The following PTPRA variants were observed in gnomAD, a reference collection of about 807,000 sequenced individuals.
The protein encoded by PTPRA is receptor-type tyrosine-protein phosphatase alpha.
In PTPRA, 25 loss-of-function variants were observed where a neutral mutation model predicts 104.8. The observed-to-expected ratio is 0.24, with a 90% CI of 0.17 to 0.33. The LOEUF (loss-of-function observed/expected upper bound fraction) is 0.33. Ranked by LOEUF, PTPRA falls within the 10% of genes least tolerant of loss-of-function variation. The pLI, the probability that PTPRA is intolerant of heterozygous loss-of-function variation, is 1.00. For missense variants in PTPRA, 765 were observed against 1,015.3 expected (o/e 0.75, Z 3.35); for synonymous variants, 323 against 368.9 (o/e 0.88, Z 1.43).
At chr20:2,936,692 C>T (rs1044790748) in intron 2 of PTPRA, among the ~76,000 whole-genome samples, 12 of 152,000 alleles carry the variant, frequency 7.9e-5, no homozygotes, top group Non-Finnish European at 1.5e-4. Flanking sequence ...AGGCTGGTCT[C>T]GAAGTCTTGG....
chr20:2,893,339 A>G (rs1482761921), intron 1 of PTPRA, among the ~76,000 whole-genome samples: 4 of 152,246 alleles, frequency 2.6e-5, no homozygotes, highest in South Asian at 2.1e-4. Flanking sequence ...TGACCTGAGT[A>G]TAAAGTATAA....
intron 2 of PTPRA, among the ~76,000 whole-genome samples, chr20:2,935,469 G>C (rs991966222): frequency 2.6e-5 from 4 of 152,138 alleles, no homozygotes; most frequent in Non-Finnish European, 5.9e-5. Context: ...TAGTAGTACA[G>C]ATATCTCTTC....
At chr20:3,016,125 G>A (rs2064435443) in intron 12 of PTPRA, among the ~76,000 whole-genome samples, 1 of 152,192 alleles carries the variant, frequency 6.6e-6, no homozygotes, top group African/African-American at 2.4e-5. Flanking sequence ...AAAAAGACTG[G>A]AAAAGGCTGT....
At chr20:2,977,940 G>T (rs142422273) in intron 6 of PTPRA, among the ~76,000 whole-genome samples, 41 of 152,230 alleles carry the variant, frequency 2.7e-4, no homozygotes, top group African/African-American at 8.7e-4. Context: ...TATCTGGGGA[G>T]TGGGAAGGAG....
chr20:2,962,237 G>C (rs1392279886), intron 3 of PTPRA, among the ~76,000 whole-genome samples: 1 of 151,868 alleles, frequency 6.6e-6, no homozygotes, highest in Non-Finnish European at 1.5e-5. Flanking sequence ...ATTTATGATG[G>C]GCTTCTTCTT....
rs574694877 is a variant in PTPRA, at chr20:3,032,511, T to G, written c.1921-3074T>G. Among the ~76,000 whole-genome samples the G allele has an allele frequency of 6.1e-4, 93 of 152,288 alleles. No homozygotes were observed. In the South Asian group the frequency reaches 0.013, roughly 21 times the overall value. Reference sequence around the variant, plus strand: ...GGCCGGGCGCGGTGGCTCACGCCTGTAATCCCAGCACTTTGGGAGGCCAAG... The same window carrying G: ...GGCCGGGCGCGGTGGCTCACGCCTGGAATCCCAGCACTTTGGGAGGCCAAG... On this transcript the variant is annotated intron_variant, in intron 20 of 23. Coordinates refer to ENST00000399903, the MANE Select transcript of PTPRA (RefSeq NM_001385305.1).
In PTPRA at chr20:3,022,876, C is replaced by T; in HGVS notation, c.1464+52C>T. The T allele has an allele frequency of 1.9e-6, 3 of 1,610,920 alleles. No homozygotes were observed. The highest frequency in any genetic ancestry group is 1.7e-4 in the Middle Eastern group (1 of 6,058). On this transcript the variant is annotated intron_variant, in intron 16 of 23. Coordinates refer to ENST00000399903, the MANE Select transcript of PTPRA (RefSeq NM_001385305.1). The surrounding 1 kb of genome is among the most constrained non-coding windows in gnomAD (Gnocchi z 4.6). ...GTGGGGGGTTCCAGGACTAAAACATCTGCCCACATTGAGGATTCACTCAGT... is the reference window on the plus strand; with the variant it reads ...GTGGGGGGTTCCAGGACTAAAACATTTGCCCACATTGAGGATTCACTCAGT...
chr20:2,877,568 T>C (rs1375037470), intron 1 of PTPRA, among the ~76,000 whole-genome samples: 3 of 152,118 alleles, frequency 2.0e-5, no homozygotes, highest in African/African-American at 7.2e-5. Flanking sequence ...GAAGAAATGG[T>C]TTTTTAGTGA....
At chr20:2,981,653 G>A (rs1381911463) in intron 6 of PTPRA, among the ~76,000 whole-genome samples, 1 of 152,170 alleles carries the variant, frequency 6.6e-6, no homozygotes, top group Non-Finnish European at 1.5e-5. Flanking sequence ...GTAGAGCACT[G>A]TTTTTCCAGC....
At chr20:2,901,041 G>T (rs1042005998) in intron 1 of PTPRA, among the ~76,000 whole-genome samples, 2 of 151,628 alleles carry the variant, frequency 1.3e-5, no homozygotes, top group Non-Finnish European at 2.9e-5. Context: ...GCGCGATCTC[G>T]GCTCACTGTG....
At chr20:2,876,797 C>G in intron 1 of PTPRA, among the ~76,000 whole-genome samples, 1 of 152,176 alleles carries the variant, frequency 6.6e-6, no homozygotes, top group Non-Finnish European at 1.5e-5. Flanking sequence ...TATCCTCTCC[C>G]CCAAAGTGTA....
chr20:2,999,560 G>A (rs763417739), intron 9 of PTPRA, among the ~76,000 whole-genome samples: 6 of 152,220 alleles, frequency 3.9e-5, no homozygotes, highest in Non-Finnish European at 8.8e-5. Context: ...CCATTTGTAA[G>A]TGGAAACCTA....
rs71195806 is a variant in PTPRA at position 2,958,658 on chromosome 20, T to TAAAA, written c.-6-5590_-6-5587dup. Among the ~76,000 whole-genome samples the TAAAA allele has an allele frequency of 1.5e-3, 93 of 62,264 alleles. 1 individual carries two copies. The highest frequency in any genetic ancestry group is 3.7e-3 in the African/African-American group (69 of 18,758). 40.8% of individuals were successfully genotyped at this position (62,264 alleles called of 152,430 possible). A position where few individuals can be genotyped will look rare whatever the true frequency, so the allele number is the denominator to read the frequency against. On this transcript the variant is annotated intron_variant, in intron 3 of 23. Coordinates refer to ENST00000399903, the MANE Select transcript of PTPRA (RefSeq NM_001385305.1). Reference sequence around the variant, plus strand: ...CAACATGGTGAAACCCCATCTCTACTAAAAAAAAAAAAAAAAAAAAAAAAA... The same window carrying TAAAA: ...CAACATGGTGAAACCCCATCTCTACTAAAAAAAAAAAAAAAAAAAAAAAAAAAAA...
chr20:3,014,259 A>G (rs1207567248), intron 11 of PTPRA, among the ~76,000 whole-genome samples: 1 of 152,184 alleles, frequency 6.6e-6, no homozygotes, highest in Admixed American at 6.5e-5. Context: ...TTGCTGACTA[A>G]ACATATCCAT....
intron 1 of PTPRA, among the ~76,000 whole-genome samples, 154 bp from the exon 2 acceptor site, chr20:2,923,053 G>A (rs935494016): frequency 6.6e-6 from 1 of 152,140 alleles, no homozygotes; most frequent in African/African-American, 2.4e-5. Context: ...AGCCTGCTAA[G>A]TAGCTGGGAT....
intron 1 of PTPRA, among the ~76,000 whole-genome samples, chr20:2,910,589 G>GTTTTTTTTTTTTTTTTTTTT (rs1423909050): frequency 5.0e-4 from 29 of 57,964 alleles, no homozygotes; most frequent in African/African-American, 1.1e-3. Flanking sequence ...TTTTTTTTTT[G>GTTTTTTTTTTTTTTTTTTTT]TTTTTTTTTT....
intron 3 of PTPRA, among the ~76,000 whole-genome samples, chr20:2,961,269 C>T (rs759535376): frequency 2.0e-5 from 3 of 152,166 alleles, no homozygotes; most frequent in Non-Finnish European, 2.9e-5. Context: ...AGAGTTCCTG[C>T]TGCTCCATAT....
At chr20:2,910,600 G>GTTTTTTTT (rs1324636448) in intron 1 of PTPRA, among the ~76,000 whole-genome samples, 1 of 64,430 alleles carries the variant, frequency 1.6e-5, no homozygotes. Context: ...TTTTTTTTTT[G>GTTTTTTTT]TTTTTTTTAA....
chr20:2,986,773 C>A lies in PTPRA; in HGVS notation c.451C>A (p.Pro151Thr). The change falls in exon 7 of 24, where the codon CCA (proline) becomes ACA (threonine). Residue 151 changes from proline to threonine, a missense_variant. Around this residue, in one of 4 missense-constraint regions of PTPRA, gnomAD observed 256 missense variants for 248.9 expected, o/e 1.03. Transcript: ENST00000399903. ...SDSKDRRDETPIIAVMVALSS... is the reference protein window; with the variant it reads ...SDSKDRRDETTIIAVMVALSS... ...TGTTGTCTTGATTTCAGATGAGACA[C>A]CAATTATTGCGGTGATGGTGGCCCT... is the stretch of plus-strand genomic sequence containing the variant. 1 of 1,611,736 alleles carries A rather than the reference C, an allele frequency of 6.2e-7. No homozygotes were observed. Among genetic ancestry groups the A allele is most frequent in the Non-Finnish European group, 8.5e-7 (1 of 1,177,816 alleles).
Sources: allele counts gnomAD v4.1 joint callset (sites outside exome capture counted in the v4.1 genomes callset), GRCh38; gene constraint gnomAD v4.1.1; regional missense constraint gnomAD v4.1.1; non-coding constraint Gnocchi (gnomAD v3.1); transcripts MANE v1.5; gene names NCBI Gene and HGNC (gene_info 2026-07-23, HGNC 2026-07-21).